Variants in ADAM10 observed in about 807,000 individuals in gnomAD.
The protein encoded by ADAM10 is ADAM metallopeptidase domain 10.
ADAM10 carries 17 observed loss-of-function variants against 90.1 expected under a neutral mutation model. The ratio of observed to expected loss-of-function variants is 0.19; its 90% CI spans 0.13 to 0.28. The LOEUF is 0.28. ADAM10 is among the 10% of genes least tolerant of loss of function. The probability of loss-of-function intolerance (pLI) is 1.00; values close to 1 mark genes in which losing one functional copy is unlikely to be tolerated. For missense variants in ADAM10, 610 were observed against 914.3 expected, an observed-to-expected ratio of 0.67 and a Z score of 4.29; for synonymous variants, 310 against 298.6, an observed-to-expected ratio of 1.04 and a Z score of -0.40.
At chr15:58,717,774 C>G in intron 1 of ADAM10, 47 bp from the exon 2 acceptor site, 1 of 1,585,226 alleles carries the variant, frequency 6.3e-7, no homozygotes, top group South Asian at 1.1e-5. Flanking sequence ...CTTGAAGACC[C>G]CTTCTAGTTC....
At chr15:58,656,062 T>C (rs1231516798) in intron 5 of ADAM10, among the ~76,000 whole-genome samples, 3 of 152,020 alleles carry the variant, frequency 2.0e-5, no homozygotes, top group African/African-American at 7.2e-5. Flanking sequence ...TATAATTATA[T>C]AGTGACTATC....
At chr15:58,740,344 GGC>G (rs1899566154) in intron 1 of ADAM10, among the ~76,000 whole-genome samples, 1 of 151,914 alleles carries the variant, frequency 6.6e-6, no homozygotes, top group African/African-American at 2.4e-5. Context: ...AGAAGGCAGG[GGC>G]TGCAGTGAGC....
At chr15:58,607,068 C>T (rs1347959516) in intron 14 of ADAM10, among the ~76,000 whole-genome samples, 1 of 152,084 alleles carries the variant, frequency 6.6e-6, no homozygotes, top group African/African-American at 2.4e-5. Context: ...AAATTTTTTT[C>T]AATCATTTAA....
At chr15:58,702,222 C>G (rs1898155990) in intron 2 of ADAM10, among the ~76,000 whole-genome samples, 1 of 152,096 alleles carries the variant, frequency 6.6e-6, no homozygotes, top group African/African-American at 2.4e-5. Flanking sequence ...CATGTTCTCA[C>G]TCTTATGGGT....
At chr15:58,749,452 G>T in intron 1 of ADAM10, 28 bp downstream of exon 1, 4 of 1,522,370 alleles carry the variant, frequency 2.6e-6, no homozygotes, top group Non-Finnish European at 3.5e-6. Flanking sequence ...TGGTCGCGGC[G>T]CCCCCGGCGC....
intron 3 of ADAM10, among the ~76,000 whole-genome samples, chr15:58,681,327 GA>G (rs1434117633): frequency 1.3e-4 from 20 of 152,086 alleles, no homozygotes; most frequent in African/African-American, 4.8e-4. Flanking sequence ...AAAAGCTAAA[GA>G]ATTTAATGAT....
At chr15:58,727,176 CT>C (rs779017607) in intron 1 of ADAM10, among the ~76,000 whole-genome samples, 4,525 of 77,728 alleles carry the variant, frequency 0.058, 150 homozygotes, top group African/African-American at 0.073. Flanking sequence ...CCTGACTAAT[CT>C]TTTTTTTTTT....
chr15:58,610,699 T>C (rs1357864274), intron 13 of ADAM10, 182 bp from the exon 14 acceptor site: 2 of 693,958 alleles, frequency 2.9e-6, no homozygotes, highest in Non-Finnish European at 5.0e-6. Flanking sequence ...AATGTTACAA[T>C]GTAAACAAGC....
In ADAM10 at chr15:58,591,047, A is replaced by T. The variant is rs891793966; in HGVS notation, c.*6500T>A. ...TACTTAACATTTACTCCAACGTGGG[A>T]CACACAGGCTTAATGTGGATAAGCT... is the stretch of plus-strand genomic sequence containing the variant. On this transcript the variant is annotated 3_prime_UTR_variant, in exon 16 of 16. Coordinates refer to ENST00000260408, the MANE Select transcript of ADAM10 (RefSeq NM_001110.4). The T allele has an allele frequency of 1.4e-4, 22 of 152,360 alleles. No homozygotes were observed. The highest frequency in any genetic ancestry group is 1.0e-3 in the Admixed American group (16 of 15,304). 9.4% of individuals were successfully genotyped at this position (152,360 alleles called of 1,614,324 possible). A position where few individuals can be genotyped will look rare whatever the true frequency, so the allele number is the denominator to read the frequency against.
chr15:58,694,416 ACTCCAGC>A (rs1897916605), intron 2 of ADAM10, among the ~76,000 whole-genome samples: 1 of 152,068 alleles, frequency 6.6e-6, no homozygotes, highest in Non-Finnish European at 1.5e-5. Flanking sequence ...ACGACACTGC[ACTCCAGC>A]CTGGGAAACA....
chr15:58,708,361 A>AT (rs1898369910), intron 2 of ADAM10, among the ~76,000 whole-genome samples: 1 of 151,958 alleles, frequency 6.6e-6, no homozygotes, highest in African/African-American at 2.4e-5. Flanking sequence ...CTGGTGACAG[A>AT]TAAAAAAAAA....
chr15:58,683,150 T>C (rs1420700933), intron 2 of ADAM10, among the ~76,000 whole-genome samples: 2 of 152,188 alleles, frequency 1.3e-5, no homozygotes, highest in African/African-American at 4.8e-5. Context: ...TGGAGATATA[T>C]GATAAAATGG....
intron 8 of ADAM10, among the ~76,000 whole-genome samples, chr15:58,639,021 C>T (rs1228600648): frequency 6.6e-6 from 1 of 152,090 alleles, no homozygotes; most frequent in Non-Finnish European, 1.5e-5. Context: ...TACCAAATTC[C>T]TACAGAATCA....
intron 10 of ADAM10, among the ~76,000 whole-genome samples, chr15:58,625,679 T>C (rs184213278): frequency 5.3e-4 from 80 of 152,330 alleles, no homozygotes; most frequent in African/African-American, 1.6e-3. Flanking sequence ...TAAAAACTTA[T>C]ATGTTTATAC....
At chr15:58,647,252 T>C (rs28728383) in intron 5 of ADAM10, among the ~76,000 whole-genome samples, 3,049 of 50,008 alleles carry the variant, frequency 0.061, 168 homozygotes, top group South Asian at 0.15. Flanking sequence ...CTAAGTATTT[T>C]TTTTTTTTTT....
Position 58,597,331 on chromosome 15 carries a change from A to G in ADAM10, c.*216T>C. On this transcript the variant is annotated 3_prime_UTR_variant, in exon 16 of 16. Transcript: ENST00000260408. ...AGTTAAAAATATCTGTTCATAAGAA[A>G]ATTGGGTTCCTTTTCCACCTCCCAC... The G allele has an allele frequency of 5.3e-6, 8 of 1,497,116 alleles. No individual in the cohort carries two copies. Among genetic ancestry groups the G allele is most frequent in the Non-Finnish European group, 7.2e-6 (8 of 1,112,840 alleles). The allele number at this position is 1,497,116 out of a possible 1,614,324, so 92.7% of individuals were successfully genotyped here. A position where few individuals can be genotyped will look rare whatever the true frequency, so the allele number is the denominator to read the frequency against.
At chr15:58,732,023 T>C (rs758484238) in intron 1 of ADAM10, among the ~76,000 whole-genome samples, 6 of 152,180 alleles carry the variant, frequency 3.9e-5, no homozygotes, top group Non-Finnish European at 7.3e-5. Flanking sequence ...CTGCAGATCC[T>C]ACATGTCAAA....
At chr15:58,704,699 A>T (rs1200966802) in intron 2 of ADAM10, among the ~76,000 whole-genome samples, 1 of 152,204 alleles carries the variant, frequency 6.6e-6, no homozygotes, top group Non-Finnish European at 1.5e-5. Flanking sequence ...AGATTACAAC[A>T]TTCTTCTTAA....
intron 10 of ADAM10, 134 bp downstream of exon 10, chr15:58,627,566 T>C (rs578171385): frequency 4.1e-6 from 3 of 740,362 alleles, no homozygotes; most frequent in African/African-American, 1.8e-5. Context: ...AATAACGAGA[T>C]AAAGGGAATA....
Sources: gnomAD v4.1 joint callset for allele counts (sites outside exome capture counted in the v4.1 genomes callset) on GRCh38, gnomAD v4.1.1 for gene constraint, MANE v1.5 for transcripts, NCBI Gene and HGNC (gene_info 2026-07-23, HGNC 2026-07-21) for gene names.